GALNTL6: variants seen among roughly 807,000 people sequenced by gnomAD.
GALNTL6 encodes the protein polypeptide N-acetylgalactosaminyltransferase-like 6.
Under a neutral mutation model 73.7 loss-of-function variants are expected in GALNTL6, and 46 were observed. The observed-to-expected ratio is 0.62, with a 90% CI of 0.49 to 0.80. The LOEUF is 0.80. Ranked by LOEUF, GALNTL6 falls within the 30% of genes least tolerant of loss-of-function variation. GALNTL6 has a pLI of 0.00. For synonymous variants in GALNTL6, 259 were observed against 263.7 expected (o/e 0.98, Z 0.17); for missense variants, 604 against 755.0 (o/e 0.80, Z 2.34).
chr4:172,104,745 C>A (rs534348096), intron 2 of GALNTL6, among the ~76,000 whole-genome samples: 4 of 152,162 alleles, frequency 2.6e-5, no homozygotes, highest in East Asian at 3.9e-4. Context: ...AGTAGAAAAA[C>A]TCCCTCATGA....
intron 12 of GALNTL6, among the ~76,000 whole-genome samples, chr4:173,023,058 A>G (rs1441669524): frequency 6.6e-6 from 1 of 152,066 alleles, no homozygotes; most frequent in Non-Finnish European, 1.5e-5. Context: ...GCCTCAGGCT[A>G]TAAGGAAAAT....
intron 5 of GALNTL6, among the ~76,000 whole-genome samples, chr4:172,682,850 G>GA (rs1246585144): frequency 6.6e-6 from 1 of 151,492 alleles, no homozygotes; most frequent in Non-Finnish European, 1.5e-5. Flanking sequence ...GAGCTAAGGG[G>GA]AAAAAAATTA....
intron 12 of GALNTL6, among the ~76,000 whole-genome samples, chr4:173,024,655 C>T (rs1459466157): frequency 2.6e-5 from 4 of 152,138 alleles, no homozygotes; most frequent in Non-Finnish European, 4.4e-5. Flanking sequence ...GATCTCGGCT[C>T]ACTGCAACCT....
intron 2 of GALNTL6, among the ~76,000 whole-genome samples, chr4:172,162,450 A>G (rs1410234411): frequency 6.6e-6 from 1 of 151,996 alleles, no homozygotes; most frequent in Admixed American, 6.6e-5. Flanking sequence ...CTCTGAAAAA[A>G]CTATTAAATA....
intron 2 of GALNTL6, among the ~76,000 whole-genome samples, chr4:171,974,226 T>C (rs191869556): frequency 6.6e-6 from 1 of 152,276 alleles, no homozygotes; most frequent in African/African-American, 2.4e-5. Context: ...TCTATGAAGT[T>C]TTGACTTGCA....
At chr4:172,195,630 A>T (rs1489976592) in intron 2 of GALNTL6, among the ~76,000 whole-genome samples, 1 of 152,228 alleles carries the variant, frequency 6.6e-6, no homozygotes, top group Non-Finnish European at 1.5e-5. Context: ...CAAGATTAAG[A>T]AACTCACTGA....
intron 2 of GALNTL6, among the ~76,000 whole-genome samples, chr4:171,907,764 C>T (rs1235331387): frequency 8.0e-5 from 12 of 150,538 alleles, no homozygotes; most frequent in Non-Finnish European, 1.5e-4. Context: ...GCTACAGTAA[C>T]CAAAACAGCA....
At chr4:172,140,446 AT>A (rs948293691) in intron 2 of GALNTL6, among the ~76,000 whole-genome samples, 1 of 152,042 alleles carries the variant, frequency 6.6e-6, no homozygotes, top group African/African-American at 2.4e-5. Context: ...TCTATATAGC[AT>A]TTACTTTGTG....
chr4:171,948,593 ATG>A (rs140461937), intron 2 of GALNTL6, among the ~76,000 whole-genome samples: 1 of 152,294 alleles, frequency 6.6e-6, no homozygotes, highest in African/African-American at 2.4e-5. Context: ...TTTGAAATAT[ATG>A]TGTGTTACTA....
At position 172,453,430 on chromosome 4, in the gene GALNTL6, A is replaced by G. The variant is rs374725656; in HGVS notation, c.553+104741A>G. ...GATTATTTTAGCTATAAATCATGCA[A>G]CTAACTCTCTCCTTGAAACCATTAG... On this transcript the variant is annotated intron_variant, in intron 5 of 12. Coordinates refer to ENST00000506823, the MANE Select transcript of GALNTL6 (RefSeq NM_001034845.3). Among the ~76,000 whole-genome samples the G allele has an allele frequency of 2.4e-3, 371 of 152,328 alleles. 2 individuals are homozygous for G. The highest frequency in any genetic ancestry group is 8.4e-3 in the African/African-American group (350 of 41,584).
At chr4:171,988,148 T>TA (rs564538706) in intron 2 of GALNTL6, among the ~76,000 whole-genome samples, 197 of 152,294 alleles carry the variant, frequency 1.3e-3, no homozygotes, top group African/African-American at 4.4e-3. Context: ...GCTAAAACAG[T>TA]AGGTCAAGTT....
At position 172,641,313 on chromosome 4, in the gene GALNTL6, G is replaced by A. The variant is rs182016524; in HGVS notation, c.554-168048G>A. ...ATTCAAAATCCTTCAATGGCTTGAC[G>A]TTTCACTTGGAGTAAAATGAAAAGT... On this transcript the variant is annotated intron_variant, in intron 5 of 12. Coordinates refer to ENST00000506823, the MANE Select transcript of GALNTL6 (RefSeq NM_001034845.3). Among the ~76,000 whole-genome samples, 11 of 152,130 alleles carry A rather than the reference G, an allele frequency of 7.2e-5. No individual in the cohort carries two copies. In the East Asian group the frequency reaches 7.8e-4, roughly 11 times the overall value.
intron 2 of GALNTL6, among the ~76,000 whole-genome samples, chr4:172,056,573 A>G (rs1298562296): frequency 6.6e-6 from 1 of 152,084 alleles, no homozygotes; most frequent in African/African-American, 2.4e-5. Flanking sequence ...AGTTTGTATC[A>G]ATATTTATTT....
At chr4:172,652,487 AG>A (rs1740519852) in intron 5 of GALNTL6, among the ~76,000 whole-genome samples, 1 of 152,238 alleles carries the variant, frequency 6.6e-6, no homozygotes, top group Non-Finnish European at 1.5e-5. Context: ...TTGTTGAAAG[AG>A]AGACATTGTG....
chr4:172,380,003 A>T (rs952904104), intron 5 of GALNTL6: 6 of 893,974 alleles, frequency 6.7e-6, no homozygotes, highest in Non-Finnish European at 1.1e-5. Flanking sequence ...AGGAGAAGTG[A>T]TGCATACTTG....
At position 173,009,161 on chromosome 4, in the gene GALNTL6, C is replaced by A. The variant is rs768528888; in HGVS notation, c.1372-17C>A. 1 of 1,579,654 alleles carries A rather than the reference C, an allele frequency of 6.3e-7. No individual in the cohort carries two copies. Among genetic ancestry groups the A allele is most frequent in the Non-Finnish European group, 8.7e-7 (1 of 1,148,640 alleles). On this transcript the variant is annotated splice_polypyrimidine_tract_variant and intron_variant, in intron 10 of 12. Coordinates refer to ENST00000506823, the MANE Select transcript of GALNTL6 (RefSeq NM_001034845.3). ...ACGACATAGCCCCACACTCAAAATT[C>A]TTTCTTCTTTCCACAGATCCGAAAT...
chr4:172,094,887 T>C (rs964093267), intron 2 of GALNTL6, among the ~76,000 whole-genome samples: 53 of 152,080 alleles, frequency 3.5e-4, no homozygotes, highest in African/African-American at 1.3e-3. Flanking sequence ...TACAGCTATA[T>C]CTTGATTTTT....
intron 3 of GALNTL6, among the ~76,000 whole-genome samples, chr4:172,237,458 G>A (rs1364986711): frequency 6.6e-6 from 1 of 152,140 alleles, no homozygotes; most frequent in African/African-American, 2.4e-5. Flanking sequence ...TTGTTAAAGT[G>A]TGTAAGTTCC....
At chr4:172,357,636 C>T (rs2170822) in intron 5 of GALNTL6, among the ~76,000 whole-genome samples, 170 of 6,986 alleles carry the variant, frequency 0.024, 1 homozygote, top group South Asian at 0.1. Context: ...TAGATATATA[C>T]ACACACACAC....
Sources: allele counts gnomAD v4.1 joint callset (sites outside exome capture counted in the v4.1 genomes callset), GRCh38; gene constraint gnomAD v4.1.1; transcripts MANE v1.5; gene names NCBI Gene and HGNC (gene_info 2026-07-23, HGNC 2026-07-21).